NDUFS4: variants seen among roughly 807,000 people sequenced by gnomAD.
NDUFS4 encodes the protein NADH dehydrogenase [ubiquinone] iron-sulfur protein 4, mitochondrial.
Under a neutral mutation model 24.3 loss-of-function variants are expected in NDUFS4, and 28 were observed. The observed-to-expected ratio is 1.15, with a 90% CI of 0.85 to 1.58. The LOEUF is 1.58. NDUFS4 is among the 40% of genes most tolerant of loss of function. The pLI, the probability that NDUFS4 is intolerant of heterozygous loss-of-function variation, is 0.00. For missense variants in NDUFS4, 223 were observed against 207.9 expected, an observed-to-expected ratio of 1.07 and a Z score of -0.45; for synonymous variants, 93 against 69.7, an observed-to-expected ratio of 1.34 and a Z score of -1.67.
intron 1 of NDUFS4, among the ~76,000 whole-genome samples, chr5:53,601,235 C>T (rs1750312286): frequency 6.6e-6 from 1 of 151,894 alleles, no homozygotes; most frequent in Non-Finnish European, 1.5e-5. Context: ...CATCTCCTGA[C>T]CTTGTGATCC....
At chr5:53,563,066 A>T (rs112764315) in intron 1 of NDUFS4, among the ~76,000 whole-genome samples, 35,040 of 149,422 alleles carry the variant, frequency 0.23, 2,410 homozygotes, top group Admixed American at 0.31. Flanking sequence ...CGTCTCTACT[A>T]AAAATACAAA....
At chr5:53,671,748 C>T (rs953066726) in intron 4 of NDUFS4, among the ~76,000 whole-genome samples, 19 of 152,124 alleles carry the variant, frequency 1.2e-4, no homozygotes, top group Non-Finnish European at 2.4e-4. Context: ...TAGAAGACAG[C>T]TGTGGAAAAT....
At chr5:53,585,083 A>G (rs1024237384) in intron 1 of NDUFS4, among the ~76,000 whole-genome samples, 2 of 152,216 alleles carry the variant, frequency 1.3e-5, no homozygotes, top group African/African-American at 4.8e-5. Flanking sequence ...TAAAGTTAAA[A>G]AATCTTAGGT....
chr5:53,601,246 G>A (rs1205324977), intron 1 of NDUFS4, among the ~76,000 whole-genome samples: 3 of 151,830 alleles, frequency 2.0e-5, no homozygotes, highest in East Asian at 1.9e-4. Context: ...CTTGTGATCC[G>A]CCCGCCTCAG....
At chr5:53,603,583 G>C in intron 2 of NDUFS4, 53 bp downstream of exon 2, 1 of 1,393,200 alleles carries the variant, frequency 7.2e-7, no homozygotes, top group Admixed American at 1.7e-5. Flanking sequence ...GGTTATTTTT[G>C]TACTATAGAT....
intron 2 of NDUFS4, among the ~76,000 whole-genome samples, chr5:53,621,403 T>C (rs999620816): frequency 1.3e-5 from 2 of 152,128 alleles, no homozygotes; most frequent in African/African-American, 4.8e-5. Context: ...GTTTAAAAAA[T>C]TATGTGCAAA....
In NDUFS4 at chr5:53,604,490, T is replaced by C. The variant is rs188823268; in HGVS notation, c.177+960T>C. ...TACTGACATTGTCATCATCCTGATC[T>C]AGGTTACATCATCTTTCACCTAGAT... On this transcript the variant is annotated intron_variant, in intron 2 of 4. Transcript: ENST00000296684. Among the ~76,000 whole-genome samples the C allele has an allele frequency of 4.6e-5, 7 of 152,356 alleles. No homozygotes were observed. The East Asian group carries it at 1.3e-3, about 29-fold the overall frequency.
intron 2 of NDUFS4, among the ~76,000 whole-genome samples, chr5:53,628,270 G>A (rs1751290364): frequency 6.6e-6 from 1 of 152,156 alleles, no homozygotes; most frequent in Non-Finnish European, 1.5e-5. Flanking sequence ...ATGTGCTGCT[G>A]GATTTGGTTT....
rs36077815 is a variant in NDUFS4 at position 53,644,513 on chromosome 5, TC to T, written c.178-1717del. On this transcript the variant is annotated intron_variant, in intron 2 of 4. Transcript: ENST00000296684. ...AAGGAGGAATTAAACATTGAGGACT[TC>T]CCAGGAGTTGAGCCACTTTAAGCTC... 2.0e-5 allele frequency among the ~76,000 whole-genome samples: 3 copies of T among 152,216 alleles called. No homozygotes were observed. In the East Asian group the frequency reaches 5.8e-4, roughly 29 times the overall value.
chr5:53,618,594 ACTAATATCAT>A (rs1366010842), intron 2 of NDUFS4, among the ~76,000 whole-genome samples: 1 of 152,156 alleles, frequency 6.6e-6, no homozygotes, highest in Non-Finnish European at 1.5e-5. Flanking sequence ...AGCCTGTGGC[ACTAATATCAT>A]CTGTGATATT....
chr5:53,563,236 CAAAA>C (rs906204561), intron 1 of NDUFS4, among the ~76,000 whole-genome samples: 41 of 105,054 alleles, frequency 3.9e-4, no homozygotes, highest in African/African-American at 1.3e-3. Context: ...CTCAAAAAAA[CAAAA>C]AAAAAAAAAA....
intron 2 of NDUFS4, among the ~76,000 whole-genome samples, chr5:53,609,845 C>A (rs537106776): frequency 1.3e-5 from 2 of 152,210 alleles, no homozygotes; most frequent in South Asian, 4.2e-4. Flanking sequence ...CCTCTGCTTT[C>A]CTCCCCTCTC....
intron 1 of NDUFS4, among the ~76,000 whole-genome samples, chr5:53,596,266 A>AT (rs1425088461): frequency 2.1e-5 from 3 of 141,320 alleles, no homozygotes; most frequent in Admixed American, 2.1e-4. Context: ...CCATATCCCT[A>AT]TAAAAAAAAA....
At chr5:53,657,803 T>C (rs1752207385) in intron 3 of NDUFS4, among the ~76,000 whole-genome samples, 1 of 151,808 alleles carries the variant, frequency 6.6e-6, no homozygotes, top group Non-Finnish European at 1.5e-5. Context: ...TGCATACCTC[T>C]AATCCCAGCT....
chr5:53,621,366 T>A (rs1301510323), intron 2 of NDUFS4, among the ~76,000 whole-genome samples: 2 of 152,060 alleles, frequency 1.3e-5, no homozygotes, highest in African/African-American at 4.8e-5. Flanking sequence ...TTTATTTAGT[T>A]TGACAATTTC....
rs547720146 is a variant in NDUFS4 at position 53,589,171 on chromosome 5, T to G, written c.99-14281T>G. On this transcript the variant is annotated intron_variant, in intron 1 of 4. Transcript: ENST00000296684. ...AACATCTTGATTCATTTGAAAATAG[T>G]AAACTCTCAAGCTGTAACACTCCCA... Among the ~76,000 whole-genome samples, 4 of 152,264 alleles carry G rather than the reference T, an allele frequency of 2.6e-5. No homozygotes were observed. The South Asian group carries it at 8.3e-4, about 32-fold the overall frequency.
intron 3 of NDUFS4, among the ~76,000 whole-genome samples, chr5:53,651,468 C>T (rs1398752175): frequency 1.3e-5 from 2 of 151,848 alleles, no homozygotes; most frequent in African/African-American, 2.4e-5. Flanking sequence ...TTTGGGTTCT[C>T]AGCCTGCTTA....
chr5:53,574,634 A>G (rs113587487), intron 1 of NDUFS4, among the ~76,000 whole-genome samples: 1,959 of 152,278 alleles, frequency 0.013, 29 homozygotes, highest in Non-Finnish European at 0.018. Context: ...CTTTAGTTTC[A>G]TGCTACAAAT....
intron 3 of NDUFS4, among the ~76,000 whole-genome samples, chr5:53,646,607 CAT>C (rs1213355012): frequency 2.0e-5 from 3 of 152,102 alleles, no homozygotes; most frequent in Non-Finnish European, 4.4e-5. Flanking sequence ...TAAACTATGA[CAT>C]AGTCTTTTTC....
Sources: allele counts gnomAD v4.1 joint callset (sites outside exome capture counted in the v4.1 genomes callset), GRCh38; gene constraint gnomAD v4.1.1; transcripts MANE v1.5; gene names NCBI Gene and HGNC (gene_info 2026-07-23, HGNC 2026-07-21).